CLMN: variants seen among roughly 807,000 people sequenced by gnomAD.
CLMN encodes calmin (calponin-like, transmembrane).
Under a neutral mutation model 92.7 loss-of-function variants are expected in CLMN, and 57 were observed. The ratio of observed to expected loss-of-function variants is 0.61; its 90% CI spans 0.50 to 0.77. CLMN has a LOEUF of 0.77. CLMN is among the 30% of genes least tolerant of loss of function. The probability of loss-of-function intolerance (pLI) is 0.00; values close to 1 mark genes in which losing one functional copy is unlikely to be tolerated. For synonymous variants in CLMN, 466 were observed against 470.6 expected (o/e 0.99, Z 0.13); for missense variants, 1,158 against 1,237.5 (o/e 0.94, Z 0.96).
intron 5 of CLMN, among the ~76,000 whole-genome samples, chr14:95,213,880 A>G (rs1897260972): frequency 6.6e-6 from 1 of 152,110 alleles, no homozygotes; most frequent in Non-Finnish European, 1.5e-5. Flanking sequence ...TCTACCCCAG[A>G]GCTACTGGAA....
chr14:95,202,444 C>T (rs1325497567), intron 9 of CLMN, among the ~76,000 whole-genome samples: 1 of 152,216 alleles, frequency 6.6e-6, no homozygotes, highest in African/African-American at 2.4e-5. Flanking sequence ...TTCCTGATCC[C>T]ACTGCCCAGG....
At chr14:95,269,080 C>T (rs577538498) in intron 1 of CLMN, among the ~76,000 whole-genome samples, 16 of 152,108 alleles carry the variant, frequency 1.1e-4, no homozygotes, top group African/African-American at 3.4e-4. Context: ...GGATTACAGG[C>T]GTGAGCCACC....
intron 1 of CLMN, among the ~76,000 whole-genome samples, chr14:95,299,412 A>T (rs7144740): frequency 6.6e-6 from 1 of 152,040 alleles, no homozygotes; most frequent in African/African-American, 2.4e-5. Flanking sequence ...GCCCCACGGG[A>T]CACGCACCAG....
chr14:95,217,942 G>C (rs1257243428), intron 4 of CLMN, among the ~76,000 whole-genome samples: 1 of 152,250 alleles, frequency 6.6e-6, no homozygotes, highest in Non-Finnish European at 1.5e-5. Context: ...GACTGCAGGT[G>C]GTCCGAGGCC....
At chr14:95,205,078 C>T (rs1045247837) in intron 8 of CLMN, among the ~76,000 whole-genome samples, 10 of 152,104 alleles carry the variant, frequency 6.6e-5, no homozygotes, top group African/African-American at 1.2e-4. Context: ...CCCAATGCAC[C>T]GATAGTGTGA....
At chr14:95,195,580 C>T (rs1209692604) in intron 10 of CLMN, among the ~76,000 whole-genome samples, 1 of 152,234 alleles carries the variant, frequency 6.6e-6, no homozygotes, top group African/African-American at 2.4e-5. Context: ...TACATCATCA[C>T]AGGCAACAAG....
chr14:95,277,083 C>A (rs879480649), intron 1 of CLMN, among the ~76,000 whole-genome samples: 3 of 152,140 alleles, frequency 2.0e-5, no homozygotes, highest in Non-Finnish European at 4.4e-5. Flanking sequence ...ACAAGTCAGG[C>A]TTCAGCCTCT....
intron 1 of CLMN, among the ~76,000 whole-genome samples, chr14:95,245,897 C>T (rs1011376236): frequency 9.3e-5 from 10 of 106,988 alleles, no homozygotes; most frequent in South Asian, 7.2e-4. Context: ...GATGGACACA[C>T]GGATGAATGG....
At chr14:95,245,186 AT>A (rs1898426360) in intron 1 of CLMN, among the ~76,000 whole-genome samples, 1 of 37,688 alleles carries the variant, frequency 2.7e-5, no homozygotes, top group Non-Finnish European at 4.3e-5. Context: ...ATATATATAT[AT>A]ATATATAATA....
intron 1 of CLMN, among the ~76,000 whole-genome samples, chr14:95,245,194 A>ACC (rs1491250953): frequency 2.8e-5 from 1 of 35,482 alleles, no homozygotes; most frequent in Non-Finnish European, 4.5e-5. Flanking sequence ...ATATATATAT[A>ACC]ATATATATAT....
At chr14:95,318,420 G>C (rs904645233) in intron 1 of CLMN, among the ~76,000 whole-genome samples, 1 of 152,152 alleles carries the variant, frequency 6.6e-6, no homozygotes, top group Non-Finnish European at 1.5e-5. Flanking sequence ...ACCCCAGGAG[G>C]CTCCCCAGTC....
In CLMN at chr14:95,239,562, C is replaced by T. The variant is rs992194755; in HGVS notation, c.83-9429G>A. 2.0e-5 allele frequency among the ~76,000 whole-genome samples: 3 copies of T among 152,114 alleles called. No individual in the cohort carries two copies. In the East Asian group the frequency reaches 5.8e-4, roughly 29 times the overall value. ...GTGTTCCGGTTTCTGAATATAAACT[C>T]GAGCAACATCTAAAGCAGTGTTTTC... On this transcript the variant is annotated intron_variant, in intron 1 of 12. Transcript: ENST00000298912.
intron 1 of CLMN, among the ~76,000 whole-genome samples, chr14:95,293,847 C>T (rs2140765430): frequency 6.6e-6 from 1 of 152,292 alleles, no homozygotes; most frequent in East Asian, 1.9e-4. Context: ...TCTCTAGAAA[C>T]CAAGTCTGGT....
chr14:95,317,696 C>A (rs1901852852), intron 1 of CLMN, among the ~76,000 whole-genome samples: 1 of 151,824 alleles, frequency 6.6e-6, no homozygotes, highest in African/African-American at 2.4e-5. Context: ...CAAGTTTGCT[C>A]CCTTGGTGGT....
chr14:95,226,127 G>A (rs1365152194), intron 2 of CLMN, among the ~76,000 whole-genome samples: 1 of 152,168 alleles, frequency 6.6e-6, no homozygotes, highest in Non-Finnish European at 1.5e-5. Flanking sequence ...TCACCCCTCA[G>A]TATCTATATG....
At chr14:95,261,994 G>A (rs982704298) in intron 1 of CLMN, among the ~76,000 whole-genome samples, 3 of 152,250 alleles carry the variant, frequency 2.0e-5, no homozygotes, top group African/African-American at 7.2e-5. Context: ...CTGGGCTCAG[G>A]AGGGCCCGCA....
At chr14:95,266,989 A>C (rs1566904317) in intron 1 of CLMN, among the ~76,000 whole-genome samples, 1 of 152,208 alleles carries the variant, frequency 6.6e-6, no homozygotes, top group African/African-American at 2.4e-5. Context: ...TATGCCAAAG[A>C]ATAAAGCTAG....
At chr14:95,292,685 G>A (rs2140761994) in intron 1 of CLMN, among the ~76,000 whole-genome samples, 1 of 152,242 alleles carries the variant, frequency 6.6e-6, no homozygotes, top group Admixed American at 6.5e-5. Context: ...AGGGGAGGGT[G>A]GGGACCATTA....
intron 1 of CLMN, among the ~76,000 whole-genome samples, chr14:95,315,469 G>C (rs973135527): frequency 6.6e-6 from 1 of 152,212 alleles, no homozygotes; most frequent in Non-Finnish European, 1.5e-5. Flanking sequence ...CCGTAAAGAA[G>C]TCAGTGACTG....
Sources: allele counts gnomAD v4.1 joint callset (sites outside exome capture counted in the v4.1 genomes callset), GRCh38; gene constraint gnomAD v4.1.1; transcripts MANE v1.5; gene names NCBI Gene and HGNC (gene_info 2026-07-23, HGNC 2026-07-21).